The following GRM5 variants were observed in gnomAD, a reference collection of about 807,000 sequenced individuals.
The protein encoded by GRM5 is metabotropic glutamate receptor 5.
A neutral mutation model predicts 83.1 loss-of-function variants in GRM5; 19 were observed. The ratio of observed to expected loss-of-function variants is 0.23; its 90% CI spans 0.16 to 0.34. The LOEUF (loss-of-function observed/expected upper bound fraction) is 0.34, where lower values mean the gene tolerates loss of function less well. Ranked by LOEUF, GRM5 falls within the 10% of genes least tolerant of loss-of-function variation. The pLI is 1.00. For synonymous variants in GRM5, 675 were observed against 633.6 expected, an observed-to-expected ratio of 1.07 and a Z score of -0.98; for missense variants, 1,160 against 1,588.3, an observed-to-expected ratio of 0.73 and a Z score of 4.58.
chr11:88,938,855 A>G (rs1937989894), intron 2 of GRM5, among the ~76,000 whole-genome samples: 1 of 151,746 alleles, frequency 6.6e-6, no homozygotes, highest in African/African-American at 2.4e-5. Flanking sequence ...CCTAAGTTAT[A>G]TAAGGTTTGC....
intron 2 of GRM5, among the ~76,000 whole-genome samples, chr11:88,895,636 G>GA (rs925334158): frequency 6.6e-6 from 1 of 151,748 alleles, no homozygotes. Context: ...GGCAAAAATG[G>GA]AAAAAAACAA....
intron 3 of GRM5, among the ~76,000 whole-genome samples, chr11:88,689,502 T>C (rs1276906745): frequency 6.6e-6 from 1 of 152,204 alleles, no homozygotes; most frequent in East Asian, 1.9e-4. Flanking sequence ...AAGCATGGCT[T>C]ATTCTGGGCT....
chr11:88,887,570 T>C (rs1444314680), intron 2 of GRM5, among the ~76,000 whole-genome samples: 14 of 152,134 alleles, frequency 9.2e-5, no homozygotes, highest in Admixed American at 6.6e-5. Flanking sequence ...CAGTCATGCC[T>C]GCAACTATGG....
intron 2 of GRM5, among the ~76,000 whole-genome samples, chr11:88,997,585 A>G (rs1940229726): frequency 2.6e-5 from 4 of 152,082 alleles, no homozygotes; most frequent in Admixed American, 2.6e-4. Context: ...ACATGAATTC[A>G]TGAATTACCA....
At chr11:88,805,818 C>A (rs1490154270) in intron 3 of GRM5, among the ~76,000 whole-genome samples, 2 of 152,188 alleles carry the variant, frequency 1.3e-5, no homozygotes, top group East Asian at 3.9e-4. Context: ...ATATATCTCT[C>A]TGACGTTTTT....
chr11:88,599,682 C>T (rs139473897), intron 5 of GRM5, among the ~76,000 whole-genome samples: 69 of 152,200 alleles, frequency 4.5e-4, no homozygotes, highest in Middle Eastern at 3.4e-3. Context: ...AATCTTTAGC[C>T]ATGATTCAAT....
At chr11:88,928,717 T>A (rs1945834177) in intron 2 of GRM5, among the ~76,000 whole-genome samples, 1 of 151,966 alleles carries the variant, frequency 6.6e-6, no homozygotes, top group South Asian at 2.1e-4. Flanking sequence ...AAGTGTAATG[T>A]TTAGATATTT....
rs376124548 is a variant in GRM5, at chr11:88,770,596, G to A, written c.911+79310C>T. 4.6e-5 allele frequency among the ~76,000 whole-genome samples: 7 copies of A among 152,182 alleles called. No individual in the cohort carries two copies. In the South Asian group the frequency reaches 1.2e-3, roughly 27 times the overall value. On this transcript the variant is annotated intron_variant, in intron 3 of 9. Coordinates refer to ENST00000305447, the MANE Select transcript of GRM5 (RefSeq NM_001143831.3). ...TAAATAGTTCCTGTTTTAACCTTGT[G>A]GAAAGCAGAAATTGTTGGCTTGGTT...
chr11:88,969,458 T>A (rs1939098435), intron 2 of GRM5, among the ~76,000 whole-genome samples: 1 of 152,154 alleles, frequency 6.6e-6, no homozygotes, highest in Non-Finnish European at 1.5e-5. Context: ...AACATCTTTA[T>A]GTCAGTGATT....
chr11:88,865,681 G>A (rs1308373746), intron 2 of GRM5, among the ~76,000 whole-genome samples: 4 of 151,116 alleles, frequency 2.6e-5, no homozygotes, highest in African/African-American at 9.7e-5. Context: ...GACTAATATC[G>A]AGAATCTACA....
intron 8 of GRM5, among the ~76,000 whole-genome samples, 177 bp from the exon 9 acceptor site, chr11:88,525,581 GACA>G (rs1941853695): frequency 1.3e-5 from 2 of 152,178 alleles, no homozygotes. Flanking sequence ...ATGGCATATG[GACA>G]ACATCAGGGA....
chr11:88,848,525 T>C (rs1188161990), intron 3 of GRM5, among the ~76,000 whole-genome samples: 1 of 152,168 alleles, frequency 6.6e-6, no homozygotes, highest in Non-Finnish European at 1.5e-5. Context: ...AAAGATGCAG[T>C]GGATTCTAAG....
At chr11:88,685,412 G>A (rs61902933) in intron 3 of GRM5, among the ~76,000 whole-genome samples, 19,232 of 152,224 alleles carry the variant, frequency 0.13, 1,602 homozygotes, top group Middle Eastern at 0.19. Context: ...GAAGCAGAGT[G>A]TAAAGGTTCA....
chr11:88,759,563 C>A (rs1034852877), intron 3 of GRM5, among the ~76,000 whole-genome samples: 10 of 152,074 alleles, frequency 6.6e-5, no homozygotes, highest in Non-Finnish European at 1.3e-4. Flanking sequence ...ACAAGAGCAC[C>A]CTGATTCATA....
At chr11:88,957,636 CATATAA>C (rs1938663341) in intron 2 of GRM5, among the ~76,000 whole-genome samples, 1 of 152,046 alleles carries the variant, frequency 6.6e-6, no homozygotes, top group African/African-American at 2.4e-5. Context: ...TGAAAATGGA[CATATAA>C]ATATATTTCA....
At chr11:88,993,012 TAATAAATAA>T (rs1420465917) in intron 2 of GRM5, among the ~76,000 whole-genome samples, 6 of 148,944 alleles carry the variant, frequency 4.0e-5, no homozygotes, top group South Asian at 2.1e-4. Context: ...ACTTAAAGTA[TAATAAATAA>T]AATAAATAAA....
At chr11:88,552,817 G>A (rs1452593470) in intron 8 of GRM5, among the ~76,000 whole-genome samples, 1 of 152,090 alleles carries the variant, frequency 6.6e-6, no homozygotes, top group East Asian at 1.9e-4. Context: ...AGTCTGTCTG[G>A]CACTATTCTC....
intron 7 of GRM5, among the ~76,000 whole-genome samples, chr11:88,583,847 C>T (rs1463377486): frequency 1.3e-5 from 2 of 152,120 alleles, no homozygotes; most frequent in African/African-American, 4.8e-5. Flanking sequence ...ATTACTTTTT[C>T]TCCTTTCTCT....
At chr11:88,897,805 C>A (rs1367728796) in intron 2 of GRM5, among the ~76,000 whole-genome samples, 1 of 151,920 alleles carries the variant, frequency 6.6e-6, no homozygotes, top group Non-Finnish European at 1.5e-5. Flanking sequence ...CCTTTCCCTT[C>A]CACCTTATAA....
Sources: allele counts gnomAD v4.1 joint callset (sites outside exome capture counted in the v4.1 genomes callset), GRCh38; gene constraint gnomAD v4.1.1; transcripts MANE v1.5; gene names NCBI Gene and HGNC (gene_info 2026-07-23, HGNC 2026-07-21).